Variants in DLGAP1 observed in about 807,000 individuals in gnomAD.
The protein encoded by DLGAP1 is DLG associated protein 1, also known as disks large-associated protein 1.
DLGAP1 carries 11 observed loss-of-function variants against 90.8 expected under a neutral mutation model. The observed-to-expected ratio is 0.12, with a 90% CI of 0.08 to 0.20. The LOEUF (loss-of-function observed/expected upper bound fraction) is 0.20, where lower values mean the gene tolerates loss of function less well. Among genes scored for constraint, DLGAP1 ranks in the 10% least tolerant of loss-of-function variants. The probability of loss-of-function intolerance (pLI) is 1.00; values close to 1 mark genes in which losing one functional copy is unlikely to be tolerated. For missense variants in DLGAP1, 1,050 were observed against 1,333.8 expected, an observed-to-expected ratio of 0.79 and a Z score of 3.31; for synonymous variants, 558 against 540.7, an observed-to-expected ratio of 1.03 and a Z score of -0.44.
chr18:4,086,349 A>G (rs2075680634), intron 2 of DLGAP1, among the ~76,000 whole-genome samples: 1 of 152,160 alleles, frequency 6.6e-6, no homozygotes, highest in Non-Finnish European at 1.5e-5. Context: ...TGTGCTCTAA[A>G]CCGGAAGGTG....
intron 2 of DLGAP1, among the ~76,000 whole-genome samples, chr18:4,054,163 C>G (rs28449415): frequency 0.16 from 23,902 of 152,148 alleles, 2,374 homozygotes; most frequent in East Asian, 0.33. Context: ...GCTCCCTGAT[C>G]TTTTAGGTCT....
intron 1 of DLGAP1, among the ~76,000 whole-genome samples, chr18:4,340,998 A>G (rs540821937): frequency 6.6e-6 from 1 of 152,308 alleles, no homozygotes; most frequent in South Asian, 2.1e-4. Context: ...AGAAACTTAA[A>G]TAAGAGATTA....
rs1349607269 is a variant in DLGAP1, at chr18:3,877,054, G to C, written c.957+2058C>G. ...CTCAGTTGTACAACCTCCAGATTGT[G>C]GGGCTTTAAATGACTTGATATTTCT... On this transcript the variant is annotated intron_variant, in intron 4 of 12. Transcript: ENST00000315677. 2.6e-5 allele frequency among the ~76,000 whole-genome samples: 4 copies of C among 152,106 alleles called. No individual in the cohort carries two copies. The East Asian group carries it at 7.7e-4, about 29-fold the overall frequency.
At chr18:3,948,147 C>G (rs2072913001) in intron 3 of DLGAP1, among the ~76,000 whole-genome samples, 1 of 151,802 alleles carries the variant, frequency 6.6e-6, no homozygotes, top group African/African-American at 2.4e-5. Flanking sequence ...CAAGGCCAGG[C>G]AAGACCCAGC....
chr18:4,248,229 T>C (rs1308691638), intron 1 of DLGAP1, among the ~76,000 whole-genome samples: 2 of 152,142 alleles, frequency 1.3e-5, no homozygotes, highest in African/African-American at 4.8e-5. Context: ...GAAACAAGCA[T>C]GAATGCTGAC....
At chr18:3,607,524 A>G (rs2057380837) in intron 7 of DLGAP1, 1 of 152,230 alleles carries the variant, frequency 6.6e-6, no homozygotes, top group East Asian at 1.9e-4. Context: ...CTAAAAATCT[A>G]ACATTATTTG....
At chr18:3,935,202 CA>C (rs1439550241) in intron 3 of DLGAP1, among the ~76,000 whole-genome samples, 1 of 152,158 alleles carries the variant, frequency 6.6e-6, no homozygotes, top group Non-Finnish European at 1.5e-5. Flanking sequence ...ATGGATAAAG[CA>C]GGTATAAATA....
chr18:4,296,171 T>TA (rs1466163188), intron 1 of DLGAP1, among the ~76,000 whole-genome samples: 3 of 152,136 alleles, frequency 2.0e-5, no homozygotes, highest in African/African-American at 7.2e-5. Flanking sequence ...GCGTCTTAAT[T>TA]TTGTTAGAAC....
At chr18:4,085,491 A>G (rs967808861) in intron 2 of DLGAP1, among the ~76,000 whole-genome samples, 1 of 152,204 alleles carries the variant, frequency 6.6e-6, no homozygotes, top group African/African-American at 2.4e-5. Flanking sequence ...TTTGGGCAAG[A>G]CTAAGTTTAG....
intron 2 of DLGAP1, among the ~76,000 whole-genome samples, chr18:4,143,197 C>A (rs1411343961): frequency 6.6e-6 from 1 of 152,082 alleles, no homozygotes; most frequent in Non-Finnish European, 1.5e-5. Flanking sequence ...CATATCCTAC[C>A]CTTCAGGATG....
chr18:3,835,377 G>A (rs371791519), intron 4 of DLGAP1, among the ~76,000 whole-genome samples: 15 of 152,136 alleles, frequency 9.9e-5, no homozygotes, highest in East Asian at 3.9e-4. Context: ...CTGGCCAGGC[G>A]TGGTGGCTCA....
intron 7 of DLGAP1, among the ~76,000 whole-genome samples, chr18:3,646,925 A>AAAAT (rs982594305): frequency 3.2e-4 from 48 of 151,688 alleles, no homozygotes; most frequent in Middle Eastern, 3.4e-3. Context: ...ACTCCATCTC[A>AAAAT]AAATAAATAA....
At chr18:4,252,682 G>GT (rs1473126773) in intron 1 of DLGAP1, among the ~76,000 whole-genome samples, 32 of 152,300 alleles carry the variant, frequency 2.1e-4, no homozygotes, top group Non-Finnish European at 1.5e-5. Context: ...AAACTGTTAG[G>GT]TTTCCCTTCA....
At chr18:4,278,446 C>T (rs2079468621) in intron 1 of DLGAP1, among the ~76,000 whole-genome samples, 1 of 152,156 alleles carries the variant, frequency 6.6e-6, no homozygotes, top group South Asian at 2.1e-4. Flanking sequence ...TCCCACTCTC[C>T]TACTCTTCCC....
At chr18:3,726,608 C>T (rs950801000) in intron 7 of DLGAP1, among the ~76,000 whole-genome samples, 3 of 152,144 alleles carry the variant, frequency 2.0e-5, no homozygotes, top group African/African-American at 7.2e-5. Context: ...GAAAAATATC[C>T]TATGTGCTTA....
Position 3,517,772 on chromosome 18 carries a change from G to A in DLGAP1, c.2480-9111C>T, listed in dbSNP as rs183356555. The stretch of plus-strand genomic sequence containing the variant: ...GCAGAGGTTGCAGTGAGCCGAGATC[G>A]TGCCATTGCACTCCAGCCTGGGCAA... On this transcript the variant is annotated intron_variant, in intron 10 of 12. Transcript: ENST00000315677. The surrounding 1 kb of genome is among the most constrained non-coding windows in gnomAD (Gnocchi z 4.1). Among the ~76,000 whole-genome samples the A allele has an allele frequency of 1.9e-3, 290 of 151,282 alleles. No individual in the cohort carries two copies. Among genetic ancestry groups the A allele is most frequent in the Admixed American group, 3.1e-3 (47 of 15,180 alleles).
intron 1 of DLGAP1, among the ~76,000 whole-genome samples, chr18:4,391,558 AG>A (rs2082340681): frequency 6.6e-6 from 1 of 152,180 alleles, no homozygotes; most frequent in Non-Finnish European, 1.5e-5. Context: ...TGATTGGTGA[AG>A]ATCCCCTTAG....
chr18:4,001,419 G>A (rs10853309), intron 3 of DLGAP1, among the ~76,000 whole-genome samples: 83,930 of 151,626 alleles, frequency 0.55, 23,455 homozygotes, highest in African/African-American at 0.58. Context: ...TATTGTCTGC[G>A]GAGACATTAC....
intron 2 of DLGAP1, among the ~76,000 whole-genome samples, chr18:4,095,598 T>C (rs2075664179): frequency 6.6e-6 from 1 of 151,980 alleles, no homozygotes; most frequent in Non-Finnish European, 1.5e-5. Flanking sequence ...CCCGAGAACA[T>C]AAGAAATTTC....
Sources: allele counts gnomAD v4.1 joint callset (sites outside exome capture counted in the v4.1 genomes callset), GRCh38; gene constraint gnomAD v4.1.1; non-coding constraint Gnocchi (gnomAD v3.1); transcripts MANE v1.5; gene names NCBI Gene and HGNC (gene_info 2026-07-23, HGNC 2026-07-21).